The following BTBD7 variants were observed in gnomAD, a reference collection of about 807,000 sequenced individuals.
The protein encoded by BTBD7 is BTB/POZ domain-containing protein 7.
Under a neutral mutation model 99.9 loss-of-function variants are expected in BTBD7, and 38 were observed. The ratio of observed to expected loss-of-function variants is 0.38; its 90% CI spans 0.29 to 0.50. BTBD7 has a LOEUF of 0.50. Ranked by LOEUF, BTBD7 falls within the 20% of genes least tolerant of loss-of-function variation. BTBD7 has a pLI of 0.93. For missense variants in BTBD7, 1,170 were observed against 1,394.6 expected, an observed-to-expected ratio of 0.84 and a Z score of 2.57; for synonymous variants, 520 against 511.4, an observed-to-expected ratio of 1.02 and a Z score of -0.23.
intron 3 of BTBD7, among the ~76,000 whole-genome samples, chr14:93,285,724 T>TATATATG (rs1373195929): frequency 2.6e-5 from 4 of 152,196 alleles, no homozygotes; most frequent in Admixed American, 6.5e-5. Flanking sequence ...TTATGAAAAG[T>TATATATG]CAAAGTGATC....
At chr14:93,288,510 A>G in intron 3 of BTBD7, 2 of 770,432 alleles carry the variant, frequency 2.6e-6, no homozygotes, top group African/African-American at 3.4e-5. Flanking sequence ...TTTTGATTCT[A>G]CTGAAGTTTT....
At chr14:93,253,259 C>T (rs745424396) in intron 7 of BTBD7, among the ~76,000 whole-genome samples, 3 of 152,092 alleles carry the variant, frequency 2.0e-5, no homozygotes, top group South Asian at 2.1e-4. Context: ...TACAAGAGGT[C>T]GTGGCATTCC....
At chr14:93,306,216 T>C (rs935665896) in intron 1 of BTBD7, among the ~76,000 whole-genome samples, 4 of 152,192 alleles carry the variant, frequency 2.6e-5, no homozygotes, top group African/African-American at 4.8e-5. Flanking sequence ...CTTGCATAAC[T>C]GGGTGGTTAC....
chr14:93,280,414 G>A (rs868654549), intron 3 of BTBD7, among the ~76,000 whole-genome samples: 4 of 152,060 alleles, frequency 2.6e-5, no homozygotes, highest in Non-Finnish European at 5.9e-5. Context: ...CTTCAGAAAA[G>A]GCTATTATGG....
In BTBD7 at chr14:93,242,479, T is replaced by C; in HGVS notation, c.3193A>G (p.Thr1065Ala). ...GGTCTGTTAGGAGTCAGCCCAAAAG[T>C]CAAGTCAGTTTCTACTGCAGTTCGT... ...RGRTAVETDL[T>A]FGLTPNRPSL... Residue 1065 changes from threonine (T) to alanine (A), a missense_variant, in exon 11 of 11, where the codon ACT becomes GCT. Around this residue, in one of 4 missense-constraint regions of BTBD7, gnomAD observed 495 missense variants for 525.9 expected, o/e 0.94. Coordinates refer to ENST00000334746, the MANE Select transcript of BTBD7 (RefSeq NM_001002860.4). 1 of 1,614,188 alleles carries C rather than the reference T, an allele frequency of 6.2e-7. No individual in the cohort carries two copies. Among genetic ancestry groups the C allele is most frequent in the Non-Finnish European group, 8.5e-7 (1 of 1,180,042 alleles).
chr14:93,251,260 T>C (rs1336743246), intron 8 of BTBD7, among the ~76,000 whole-genome samples: 1 of 152,186 alleles, frequency 6.6e-6, no homozygotes, highest in Non-Finnish European at 1.5e-5. Context: ...GGTAAACTGA[T>C]AAACTGTATA....
At chr14:93,268,960 T>C (rs759687292) in intron 3 of BTBD7, among the ~76,000 whole-genome samples, 5 of 152,084 alleles carry the variant, frequency 3.3e-5, no homozygotes, top group South Asian at 2.1e-4. Context: ...GGTTTCACCA[T>C]GTTGGCCAGG....
intron 3 of BTBD7, among the ~76,000 whole-genome samples, chr14:93,270,150 C>A (rs926331745): frequency 6.6e-6 from 1 of 152,152 alleles, no homozygotes; most frequent in Non-Finnish European, 1.5e-5. Flanking sequence ...GACTGGAGTG[C>A]AGTGGCGTGA....
chr14:93,305,496 C>T (rs987115267), intron 1 of BTBD7, among the ~76,000 whole-genome samples: 4 of 152,126 alleles, frequency 2.6e-5, no homozygotes, highest in African/African-American at 9.7e-5. Context: ...AAGTAGAAAA[C>T]CAGACAAAAC....
chr14:93,318,064 CTCT>C (rs1208133698), intron 1 of BTBD7, among the ~76,000 whole-genome samples: 1 of 152,166 alleles, frequency 6.6e-6, no homozygotes, highest in East Asian at 1.9e-4. Context: ...GCTGTAGTAA[CTCT>C]TAGCTGAGTC....
intron 3 of BTBD7, among the ~76,000 whole-genome samples, chr14:93,285,740 T>C (rs985730309): frequency 2.7e-4 from 41 of 152,228 alleles, no homozygotes; most frequent in African/African-American, 9.6e-4. Flanking sequence ...TGATCAAACA[T>C]GTGCTCCTTC....
chr14:93,244,640 C>T (rs1407587080), intron 10 of BTBD7, among the ~76,000 whole-genome samples: 1 of 152,056 alleles, frequency 6.6e-6, no homozygotes, highest in African/African-American at 2.4e-5. Context: ...CAGAGTGAGA[C>T]TCTGTCTCTA....
At chr14:93,305,902 G>C (rs143442666) in intron 1 of BTBD7, among the ~76,000 whole-genome samples, 10 of 152,270 alleles carry the variant, frequency 6.6e-5, no homozygotes, top group East Asian at 1.9e-4. Flanking sequence ...AAGAACATGC[G>C]TGTCAGCTCA....
At position 93,242,463 on chromosome 14, in the gene BTBD7, G is replaced by C. The variant is rs748592349; in HGVS notation, c.3209C>G (p.Pro1070Arg). Reference protein sequence around the residue: ...VETDLTFGLTPNRPSLSACSS... With the variant: ...VETDLTFGLTRNRPSLSACSS... Reference sequence around the variant, plus strand: ...ACATGCAGAAAGTGAAGGTCTGTTAGGAGTCAGCCCAAAAGTCAAGTCAGT... The same window carrying C: ...ACATGCAGAAAGTGAAGGTCTGTTACGAGTCAGCCCAAAAGTCAAGTCAGT... The change falls in exon 11 of 11, where the codon CCT becomes CGT. Residue 1070 changes from proline (P) to arginine (R), a missense_variant. Pro to Arg is a moderately radical substitution (Grantham distance 103). This residue lies in a region of BTBD7 where 495 missense variants were observed against 525.9 expected (regional missense o/e 0.94). Transcript: ENST00000334746. 6.2e-7 allele frequency: 1 copy of C among 1,614,236 alleles called. No individual in the cohort carries two copies.
intron 6 of BTBD7, chr14:93,255,941 T>G (rs917619453): frequency 6.6e-6 from 1 of 152,246 alleles, no homozygotes; most frequent in Non-Finnish European, 1.5e-5. Flanking sequence ...AGGGTGAATT[T>G]TTTTTTCTAA....
chr14:93,299,506 T>C (rs996872511), intron 1 of BTBD7, among the ~76,000 whole-genome samples: 2 of 152,148 alleles, frequency 1.3e-5, no homozygotes, highest in African/African-American at 4.8e-5. Flanking sequence ...CTACAGGACT[T>C]GGAGAGGCCC....
At chr14:93,266,554 AT>A (rs1224119016) in intron 3 of BTBD7, among the ~76,000 whole-genome samples, 1 of 151,856 alleles carries the variant, frequency 6.6e-6, no homozygotes, top group Non-Finnish European at 1.5e-5. Flanking sequence ...AAGTGGGGAG[AT>A]TTTGGTTCAA....
intron 3 of BTBD7, among the ~76,000 whole-genome samples, chr14:93,279,234 G>A (rs138747280): frequency 0.014 from 2,075 of 152,220 alleles, 20 homozygotes; most frequent in Middle Eastern, 0.031. Flanking sequence ...TCTTATAGCC[G>A]TGTTTGCCTC....
At chr14:93,268,844 C>T (rs1171175964) in intron 3 of BTBD7, among the ~76,000 whole-genome samples, 1 of 150,950 alleles carries the variant, frequency 6.6e-6, no homozygotes, top group Admixed American at 6.6e-5. Flanking sequence ...CTACAACCAC[C>T]ACCTCCTGGG....
Sources: allele counts gnomAD v4.1 joint callset (sites outside exome capture counted in the v4.1 genomes callset), GRCh38; gene constraint gnomAD v4.1.1; regional missense constraint gnomAD v4.1.1; transcripts MANE v1.5; gene names NCBI Gene and HGNC (gene_info 2026-07-23, HGNC 2026-07-21).